TMC5: variants seen among roughly 807,000 people sequenced by gnomAD.
TMC5 encodes transmembrane channel like 5.
Under a neutral mutation model 110.5 loss-of-function variants are expected in TMC5, and 86 were observed. The ratio of observed to expected loss-of-function variants is 0.78; its 90% confidence interval spans 0.65 to 0.93. The LOEUF (loss-of-function observed/expected upper bound fraction) is 0.93, where lower values mean the gene tolerates loss of function less well. Among genes scored for constraint, TMC5 ranks in the 40% least tolerant of loss-of-function variants. The probability of loss-of-function intolerance (pLI) is 0.00; values close to 1 mark genes in which losing one functional copy is unlikely to be tolerated. For synonymous variants in TMC5, 455 were observed against 439.5 expected, an observed-to-expected ratio of 1.04 and a Z score of -0.44; for missense variants, 1,144 against 1,222.8, an observed-to-expected ratio of 0.94 and a Z score of 0.96.
intron 19 of TMC5, among the ~76,000 whole-genome samples, chr16:19,493,021 G>A (rs1455937231): frequency 6.7e-6 from 1 of 148,652 alleles, no homozygotes; most frequent in Non-Finnish European, 1.5e-5. Context: ...GAGTGCAGTG[G>A]AGCAATCTTG....
intron 15 of TMC5, among the ~76,000 whole-genome samples, chr16:19,481,992 C>T (rs890042582): frequency 3.9e-5 from 6 of 152,198 alleles, no homozygotes; most frequent in African/African-American, 1.4e-4. Context: ...GACACTGAAT[C>T]TACCAGCACC....
intron 2 of TMC5, among the ~76,000 whole-genome samples, chr16:19,434,359 A>C (rs1890587961): frequency 9.8e-6 from 1 of 101,948 alleles, no homozygotes; most frequent in East Asian, 2.7e-4. Context: ...GATCTATATT[A>C]TATATATAAT....
chr16:19,489,781 CTTTAA>C (rs1173706435), intron 17 of TMC5, among the ~76,000 whole-genome samples: 1 of 150,400 alleles, frequency 6.6e-6, no homozygotes, highest in African/African-American at 2.4e-5. Flanking sequence ...CCATACTTGT[CTTTAA>C]TTTCATTTCT....
Position 19,444,191 on chromosome 16 carries a change from C to T in TMC5, c.899C>T (p.Ser300Phe). ...NDYPEGIEMA[S>F]MEMANSYGHS... ...TACCCTGAAGGCATTGAAATGGCATCCATGGAGATGGCAAACTCATATGGC... is the reference window on the plus strand; with the variant it reads ...TACCCTGAAGGCATTGAAATGGCATTCATGGAGATGGCAAACTCATATGGC... The change falls in exon 4 of 22, where the codon TCC (serine) becomes TTC (phenylalanine). Residue 300 changes from serine to phenylalanine, a missense_variant. Transcript: ENST00000542583. The T allele has an allele frequency of 6.2e-7, 1 of 1,613,974 alleles. No homozygotes were observed. Among genetic ancestry groups the T allele is most frequent in the Non-Finnish European group, 8.5e-7 (1 of 1,179,980 alleles).
intron 5 of TMC5, among the ~76,000 whole-genome samples, chr16:19,458,327 C>T (rs953338753): frequency 3.9e-5 from 6 of 152,150 alleles, no homozygotes; most frequent in African/African-American, 1.4e-4. Flanking sequence ...TATCCTGCCT[C>T]AGCCTCCTAA....
intron 20 of TMC5, among the ~76,000 whole-genome samples, chr16:19,495,011 CTTTTT>C (rs56178955): frequency 4.9e-5 from 2 of 40,488 alleles, no homozygotes; most frequent in African/African-American, 1.9e-4. Flanking sequence ...AGTGTCTATT[CTTTTT>C]TTTTTTTTTT....
chr16:19,440,485 C>T lies in TMC5; in HGVS notation c.447C>T (p.Ser149=), dbSNP rs768248266. The change falls in exon 3 of 22, where the codon TCC becomes TCT. Residue 149 remains serine (S), a synonymous_variant. Coordinates refer to ENST00000542583, the MANE Select transcript of TMC5 (RefSeq NM_001261841.2). ...GSSSSGNYAG[S]RTHPDHFGSL... ...GCAGCAGTGGAAACTATGCAGGCTC[C>T]AGAACACATCCAGATCATTTTGGCT... 6.2e-7 allele frequency: 1 copy of T among 1,614,146 alleles called. No homozygotes were observed. The highest frequency in any genetic ancestry group is 8.5e-7 in the Non-Finnish European group (1 of 1,180,034).
At chr16:19,474,056 C>A (rs1968419515) in intron 11 of TMC5, 69 bp from the exon 12 acceptor site, 1 of 1,480,754 alleles carries the variant, frequency 6.8e-7, no homozygotes, top group Non-Finnish European at 9.1e-7. Flanking sequence ...TCATGGGAGA[C>A]TTTTGAGTGA....
intron 5 of TMC5, among the ~76,000 whole-genome samples, chr16:19,457,426 G>T (rs369168519): frequency 6.6e-6 from 1 of 152,016 alleles, no homozygotes; most frequent in African/African-American, 2.4e-5. Context: ...ATGGAAGGGC[G>T]GAAGGTTTTG....
chr16:19,480,855 T>C (rs1256544136), intron 14 of TMC5, among the ~76,000 whole-genome samples: 1 of 151,176 alleles, frequency 6.6e-6, no homozygotes, highest in Non-Finnish European at 1.5e-5. Flanking sequence ...ACAGATCTTT[T>C]TTTTTAAATT....
intron 9 of TMC5, among the ~76,000 whole-genome samples, chr16:19,469,069 GTGT>G (rs1968258088): frequency 6.6e-6 from 1 of 152,180 alleles, no homozygotes; most frequent in Non-Finnish European, 1.5e-5. Context: ...GAACAAATTT[GTGT>G]TGTTTTTAGC....
At chr16:19,470,892 C>T (rs796445380) in intron 10 of TMC5, among the ~76,000 whole-genome samples, 15 of 151,792 alleles carry the variant, frequency 9.9e-5, no homozygotes, top group Admixed American at 5.3e-4. Flanking sequence ...AAAAAGTAGC[C>T]GGGCGTGGTG....
At chr16:19,469,885 A>G (rs960816535) in intron 10 of TMC5, 60 bp downstream of exon 10, 34 of 1,546,570 alleles carry the variant, frequency 2.2e-5, no homozygotes, top group Non-Finnish European at 2.8e-5. Context: ...TCTCCAGTAT[A>G]CCTGTAACTT....
intron 2 of TMC5, among the ~76,000 whole-genome samples, chr16:19,431,672 C>G (rs7194107): frequency 0.027 from 4,082 of 152,142 alleles, 181 homozygotes; most frequent in African/African-American, 0.092. Context: ...TTTGTAAGGC[C>G]CTGGTTTCTC....
chr16:19,492,801 T>C (rs548061336), intron 19 of TMC5, among the ~76,000 whole-genome samples: 11 of 151,376 alleles, frequency 7.3e-5, no homozygotes, highest in Admixed American at 5.9e-4. Flanking sequence ...CCTGGGCTCC[T>C]GCCTCAGCCT....
chr16:19,462,395 T>C (rs1968046126), intron 6 of TMC5: 2 of 600,772 alleles, frequency 3.3e-6, no homozygotes, highest in Non-Finnish European at 6.0e-6. Flanking sequence ...AAAATCCCCC[T>C]AGGTTGAGAA....
intron 6 of TMC5, among the ~76,000 whole-genome samples, chr16:19,462,073 G>A (rs1968037721): frequency 6.6e-6 from 1 of 152,224 alleles, no homozygotes; most frequent in South Asian, 2.1e-4. Context: ...CAAAGCAGAT[G>A]TGGTGAGTTC....
At chr16:19,418,718 G>T (rs1277442971) in intron 1 of TMC5, among the ~76,000 whole-genome samples, 1 of 133,814 alleles carries the variant, frequency 7.5e-6, no homozygotes, top group African/African-American at 2.8e-5. Context: ...TCTGATAAGT[G>T]ATTTTTGTGT....
intron 5 of TMC5, chr16:19,456,428 G>T (rs111407557): frequency 9.1e-6 from 10 of 1,101,482 alleles, no homozygotes; most frequent in Non-Finnish European, 8.9e-6. Flanking sequence ...TTCTGTTTTC[G>T]ATTTCTTGCC....
Sources: gnomAD v4.1 joint callset for allele counts (sites outside exome capture counted in the v4.1 genomes callset) on GRCh38, gnomAD v4.1.1 for gene constraint, MANE v1.5 for transcripts, NCBI Gene and HGNC (gene_info 2026-07-23, HGNC 2026-07-21) for gene names.